CACNA1C: variants seen among roughly 807,000 people sequenced by gnomAD.
CACNA1C encodes the protein calcium voltage-gated channel subunit alpha1 C, also known as voltage-dependent L-type calcium channel subunit alpha-1C.
In CACNA1C, 30 loss-of-function variants were observed where a neutral mutation model predicts 229.0. The ratio of observed to expected loss-of-function variants is 0.13; its 90% CI spans 0.10 to 0.18. CACNA1C has a LOEUF of 0.18. CACNA1C is among the 10% of genes least tolerant of loss of function. The pLI is 1.00. For synonymous variants in CACNA1C, 1,114 were observed against 1,132.5 expected (o/e 0.98, Z 0.33); for missense variants, 1,658 against 2,845.0 (o/e 0.58, Z 9.49).
chr12:2,135,553 G>A lies in CACNA1C; in HGVS notation c.477+15123G>A, dbSNP rs1388829355. Among the ~76,000 whole-genome samples, 3 of 131,150 alleles carry A rather than the reference G, an allele frequency of 2.3e-5. 1 individual carries two copies. Among genetic ancestry groups the A allele is most frequent in the Non-Finnish European group, 1.6e-5 (1 of 64,484 alleles). 86.0% of individuals were successfully genotyped at this position (131,150 alleles called of 152,430 possible). A position where few individuals can be genotyped will look rare whatever the true frequency, so the allele number is the denominator to read the frequency against. Reference sequence around the variant, plus strand: ...CAGGACCCTCAGCTGCAGGTCTGTTGGAGTACCCTGCTGTGAGAGGTGTCA... The same window carrying A: ...CAGGACCCTCAGCTGCAGGTCTGTTAGAGTACCCTGCTGTGAGAGGTGTCA... On this transcript the variant is annotated intron_variant, in intron 3 of 46. Coordinates refer to ENST00000399655, the MANE Select transcript of CACNA1C (RefSeq NM_000719.7).
intron 3 of CACNA1C, among the ~76,000 whole-genome samples, chr12:2,265,599 C>A (rs2082089669): frequency 1.3e-5 from 2 of 152,242 alleles, no homozygotes; most frequent in African/African-American, 4.8e-5. Context: ...CCCCAGGGGA[C>A]CATCTTCCCT....
chr12:2,187,679 C>T (rs904227351), intron 3 of CACNA1C, among the ~76,000 whole-genome samples: 5 of 152,202 alleles, frequency 3.3e-5, no homozygotes, highest in African/African-American at 9.6e-5. Flanking sequence ...CGGTGAGAAC[C>T]GGAGTAGCCA....
chr12:2,072,310 T>A (rs1288604542), intron 1 of CACNA1C, among the ~76,000 whole-genome samples: 2 of 152,156 alleles, frequency 1.3e-5, no homozygotes, highest in African/African-American at 4.8e-5. Context: ...GCAGTTCTCC[T>A]GCCCCAGCCT....
intron 1 of CACNA1C, among the ~76,000 whole-genome samples, chr12:2,046,315 A>G (rs2051033683): frequency 6.6e-6 from 1 of 152,188 alleles, no homozygotes; most frequent in African/African-American, 2.4e-5. Context: ...CAGGTCACCC[A>G]GATGAAACAA....
At chr12:2,606,274 A>G (rs1280151032) in intron 24 of CACNA1C, among the ~76,000 whole-genome samples, 3 of 151,708 alleles carry the variant, frequency 2.0e-5, no homozygotes, top group Admixed American at 1.3e-4. Flanking sequence ...TCTCCCACCT[A>G]GAGCATTCGC....
chr12:2,398,204 A>C (rs145399646), intron 3 of CACNA1C, among the ~76,000 whole-genome samples: 1 of 152,360 alleles, frequency 6.6e-6, no homozygotes, highest in African/African-American at 2.4e-5. Flanking sequence ...TTCTTGGGCA[A>C]AATCCAATAG....
At chr12:2,527,664 A>G (rs1254139471) in intron 9 of CACNA1C, among the ~76,000 whole-genome samples, 2 of 152,370 alleles carry the variant, frequency 1.3e-5, no homozygotes, top group Non-Finnish European at 2.9e-5. Context: ...TAGAGTCTCA[A>G]TGAATTTACT....
At chr12:2,547,436 C>T (rs1286298805) in intron 9 of CACNA1C, 1 of 779,636 alleles carries the variant, frequency 1.3e-6, no homozygotes, top group Non-Finnish European at 2.4e-6. Flanking sequence ...CACTGACCAT[C>T]TTGTCTGTGA....
intron 3 of CACNA1C, among the ~76,000 whole-genome samples, chr12:2,329,260 T>G (rs2096459221): frequency 6.6e-6 from 1 of 152,198 alleles, no homozygotes; most frequent in Admixed American, 6.5e-5. Context: ...TTGGAATGGT[T>G]TTGATTAGTG....
chr12:2,242,964 G>C (rs1329656564), intron 3 of CACNA1C, among the ~76,000 whole-genome samples: 1 of 152,174 alleles, frequency 6.6e-6, no homozygotes, highest in African/African-American at 2.4e-5. Flanking sequence ...ACTTACCCAC[G>C]ATCATAGGGT....
At chr12:2,554,848 C>T (rs2043199708) in intron 10 of CACNA1C, among the ~76,000 whole-genome samples, 1 of 152,234 alleles carries the variant, frequency 6.6e-6, no homozygotes. Flanking sequence ...GTGTCCTCCC[C>T]TTCGCAAGGA....
At chr12:2,043,993 G>C (rs1408846006) in intron 1 of CACNA1C, among the ~76,000 whole-genome samples, 1 of 152,180 alleles carries the variant, frequency 6.6e-6, no homozygotes, top group Non-Finnish European at 1.5e-5. Flanking sequence ...TATAGTAGAA[G>C]TTGATATGGG....
intron 29 of CACNA1C, among the ~76,000 whole-genome samples, chr12:2,619,688 C>T (rs10774050): frequency 0.73 from 111,023 of 151,836 alleles, 42,800 homozygotes; most frequent in Non-Finnish European, 0.85. Flanking sequence ...TTTCTCGGTG[C>T]CTAGGCCTTG....
chr12:2,060,673 A>G (rs1392180593), intron 1 of CACNA1C, among the ~76,000 whole-genome samples: 1 of 152,232 alleles, frequency 6.6e-6, no homozygotes, highest in Non-Finnish European at 1.5e-5. Flanking sequence ...ATCATTTCAG[A>G]ACATAGTGTT....
At chr12:2,338,934 T>C (rs2096781097) in intron 3 of CACNA1C, among the ~76,000 whole-genome samples, 1 of 152,236 alleles carries the variant, frequency 6.6e-6, no homozygotes, top group Non-Finnish European at 1.5e-5. Context: ...TATTATGAGT[T>C]ACAGATTGTT....
intron 27 of CACNA1C, among the ~76,000 whole-genome samples, chr12:2,610,008 A>C (rs1021501073): frequency 3.9e-5 from 6 of 152,050 alleles, no homozygotes; most frequent in Non-Finnish European, 8.8e-5. Context: ...GCCTGTAATC[A>C]CAGCTACTTG....
chr12:2,560,956 T>A (rs1212447240), intron 11 of CACNA1C, among the ~76,000 whole-genome samples: 4 of 151,556 alleles, frequency 2.6e-5, no homozygotes, highest in Non-Finnish European at 4.4e-5. Context: ...CTGTGCACCA[T>A]TGCATGTCAA....
At position 2,054,030 on chromosome 12, in the gene CACNA1C, C is replaced by A. The variant is rs1319733480; in HGVS notation, c.49+419C>A. Among the ~76,000 whole-genome samples the A allele has an allele frequency of 6.8e-6, 1 of 146,840 alleles. No individual in the cohort carries two copies. Among genetic ancestry groups the A allele is most frequent in the African/African-American group, 2.4e-5 (1 of 40,954 alleles). On this transcript the variant is annotated intron_variant, in intron 1 of 46. Coordinates refer to ENST00000399655, the MANE Select transcript of CACNA1C (RefSeq NM_000719.7). The surrounding 1 kb of genome is among the most constrained non-coding windows in gnomAD (Gnocchi z 5.5). ...GGGGTCCCTCGCCCGGCTCGGGGCG[C>A]GGCTGGGAGCGCGCGCGCGCGCACC...
chr12:2,036,348 A>G (rs1463360370), intron 1 of CACNA1C, among the ~76,000 whole-genome samples: 3 of 152,100 alleles, frequency 2.0e-5, no homozygotes, highest in African/African-American at 7.2e-5. Context: ...CTGATCATCT[A>G]TTGCACAGAA....
Sources: allele counts gnomAD v4.1 joint callset (sites outside exome capture counted in the v4.1 genomes callset), GRCh38; gene constraint gnomAD v4.1.1; non-coding constraint Gnocchi (gnomAD v3.1); transcripts MANE v1.5; gene names NCBI Gene and HGNC (gene_info 2026-07-23, HGNC 2026-07-21).